The following KIRREL3 variants were observed in gnomAD, a reference collection of about 807,000 sequenced individuals.
KIRREL3 encodes kin of IRRE-like protein 3.
KIRREL3 carries 36 observed loss-of-function variants against 89.7 expected under a neutral mutation model. The observed-to-expected ratio is 0.40, with a 90% CI of 0.31 to 0.53. The LOEUF is 0.53. KIRREL3 is among the 20% of genes least tolerant of loss of function. The pLI is 0.49. For missense variants in KIRREL3, 864 were observed against 1,056.6 expected, an observed-to-expected ratio of 0.82 and a Z score of 2.53; for synonymous variants, 445 against 441.4, an observed-to-expected ratio of 1.01 and a Z score of -0.10.
Position 126,557,291 on chromosome 11 carries a change from C to T in KIRREL3, c.133+5544G>A, listed in dbSNP as rs541545293. Reference sequence around the variant, plus strand: ...TAATGACAGATGGGAGAAAGAAACACGGATCCACCTTCAGAGGCTGCCAAG... The same window carrying T: ...TAATGACAGATGGGAGAAAGAAACATGGATCCACCTTCAGAGGCTGCCAAG... On this transcript the variant is annotated intron_variant, in intron 2 of 16. Coordinates refer to ENST00000525144, the MANE Select transcript of KIRREL3 (RefSeq NM_032531.4). The surrounding 1 kb of genome is among the most constrained non-coding windows in gnomAD (Gnocchi z 5.6). Among the ~76,000 whole-genome samples the T allele has an allele frequency of 2.4e-4, 37 of 152,308 alleles. No homozygotes were observed. Among genetic ancestry groups the T allele is most frequent in the Non-Finnish European group, 4.6e-4 (31 of 68,026 alleles).
At chr11:126,460,103 C>T (rs1000493809) in intron 6 of KIRREL3, among the ~76,000 whole-genome samples, 3 of 118,556 alleles carry the variant, frequency 2.5e-5, no homozygotes, top group Non-Finnish European at 5.3e-5. Context: ...GGAGGAGGAG[C>T]GGGAGCAGGA....
rs1483269422 is a variant in KIRREL3, at chr11:126,601,791, C to T, written c.56-38879G>A. Among the ~76,000 whole-genome samples the T allele has an allele frequency of 2.6e-5, 4 of 152,178 alleles. No homozygotes were observed. Among genetic ancestry groups the T allele is most frequent in the Admixed American group, 1.3e-4 (2 of 15,282 alleles). On this transcript the variant is annotated intron_variant, in intron 1 of 16. Coordinates refer to ENST00000525144, the MANE Select transcript of KIRREL3 (RefSeq NM_032531.4). This position sits in a 1 kb window ranked among gnomAD's most constrained non-coding sequence, Gnocchi z 5.8. ...TCCCCCTGAATTCCATCCCCTGCCG[C>T]GTCCATTTCTAGGAGCTCCATTCCC...
chr11:126,961,329 C>T (rs1949080374), intron 1 of KIRREL3, among the ~76,000 whole-genome samples: 1 of 152,152 alleles, frequency 6.6e-6, no homozygotes, highest in South Asian at 2.1e-4. Context: ...AATGGAAAAG[C>T]TCTTGAAGTA....
chr11:126,938,898 A>G (rs1289257550), intron 1 of KIRREL3, among the ~76,000 whole-genome samples: 1 of 152,198 alleles, frequency 6.6e-6, no homozygotes, highest in African/African-American at 2.4e-5. Flanking sequence ...TGTCAGCACC[A>G]GGCCTAAGGA....
At chr11:126,662,427 T>C (rs1052839603) in intron 1 of KIRREL3, among the ~76,000 whole-genome samples, 6 of 152,150 alleles carry the variant, frequency 3.9e-5, no homozygotes, top group African/African-American at 1.4e-4. Flanking sequence ...GAGTGGGTAA[T>C]TTATAAAAAA....
chr11:126,827,938 T>C (rs1449608805), intron 1 of KIRREL3, among the ~76,000 whole-genome samples: 1 of 152,146 alleles, frequency 6.6e-6, no homozygotes, highest in Admixed American at 6.6e-5. Context: ...GTTTTGGAAT[T>C]AGAATGACTT....
intron 1 of KIRREL3, chr11:126,992,663 A>G (rs906855769): frequency 6.6e-6 from 1 of 152,250 alleles, no homozygotes; most frequent in East Asian, 1.9e-4. Flanking sequence ...AGCCAGTATA[A>G]CTTAGCTTCC....
chr11:126,899,067 G>A (rs1946273092), intron 1 of KIRREL3, among the ~76,000 whole-genome samples: 1 of 151,958 alleles, frequency 6.6e-6, no homozygotes, highest in Admixed American at 6.6e-5. Flanking sequence ...AAGGTTAACA[G>A]AAGGTGGAAG....
Position 126,498,748 on chromosome 11 carries a change from G to A in KIRREL3, c.433+22567C>T, listed in dbSNP as rs899788673. On this transcript the variant is annotated intron_variant, in intron 4 of 16. Transcript: ENST00000525144. This position sits in a 1 kb window ranked among gnomAD's most constrained non-coding sequence, Gnocchi z 4.3. ...CCCAGTATCCTGCTTCCTGGGAGGAGCACCTTCCCTTCTGCACCTAAGGTT... is the reference window on the plus strand; with the variant it reads ...CCCAGTATCCTGCTTCCTGGGAGGAACACCTTCCCTTCTGCACCTAAGGTT... Among the ~76,000 whole-genome samples, 2 of 152,212 alleles carry A rather than the reference G, an allele frequency of 1.3e-5. No individual in the cohort carries two copies. Among genetic ancestry groups the A allele is most frequent in the Admixed American group, 1.3e-4 (2 of 15,286 alleles).
At chr11:126,838,718 A>G (rs1025630275) in intron 1 of KIRREL3, among the ~76,000 whole-genome samples, 3 of 152,174 alleles carry the variant, frequency 2.0e-5, no homozygotes, top group African/African-American at 7.2e-5. Flanking sequence ...GACAGTGGTA[A>G]ATGGAATTTT....
chr11:126,659,709 A>C (rs971207303), intron 1 of KIRREL3, among the ~76,000 whole-genome samples: 4 of 152,234 alleles, frequency 2.6e-5, no homozygotes, highest in Non-Finnish European at 5.9e-5. Context: ...CAGCTTCTCA[A>C]AGGATGCCTT....
In KIRREL3 at chr11:126,521,732, A is replaced by G. The variant is rs1331111762; in HGVS notation, c.284-268T>C. Among the ~76,000 whole-genome samples the G allele has an allele frequency of 8.0e-6, 1 of 125,472 alleles. No individual in the cohort carries two copies. The highest frequency in any genetic ancestry group is 1.6e-5 in the Non-Finnish European group (1 of 60,756). 82.3% of individuals were successfully genotyped at this position (125,472 alleles called of 152,430 possible). A position where few individuals can be genotyped will look rare whatever the true frequency, so the allele number is the denominator to read the frequency against. On this transcript the variant is annotated intron_variant, in intron 3 of 16. Coordinates refer to ENST00000525144, the MANE Select transcript of KIRREL3 (RefSeq NM_032531.4). The surrounding 1 kb of genome is among the most constrained non-coding windows in gnomAD (Gnocchi z 4.1). ...TGTGTGTGTGTGTGTGTGTGTGTGT[A>G]TAAGGGCATTTGGTCTGTTTGTTAG...
In KIRREL3 at chr11:126,431,542, G is replaced by A. The variant is rs370305051; in HGVS notation, c.1589-16C>T. The stretch of plus-strand genomic sequence containing the variant: ...GGCACAGACTCTGTGGGAGAGAAGC[G>A]GGCACAGCTGATGACGGATGGGGAA... On this transcript the variant is annotated splice_polypyrimidine_tract_variant and intron_variant, in intron 13 of 16. Transcript: ENST00000525144. This position sits in a 1 kb window ranked among gnomAD's most constrained non-coding sequence, Gnocchi z 7.1. 29 of 1,609,474 alleles carry A rather than the reference G, an allele frequency of 1.8e-5. No individual in the cohort carries two copies. The highest frequency in any genetic ancestry group is 9.3e-5 in the African/African-American group (7 of 74,978).
chr11:126,634,584 G>T (rs1053976108), intron 1 of KIRREL3, among the ~76,000 whole-genome samples: 1 of 152,154 alleles, frequency 6.6e-6, no homozygotes, highest in African/African-American at 2.4e-5. Context: ...CAGGGGAAAT[G>T]AAGCTTGACT....
At position 126,677,322 on chromosome 11, in the gene KIRREL3, C is replaced by T. The variant is rs1261589963; in HGVS notation, c.56-114410G>A. On this transcript the variant is annotated intron_variant, in intron 1 of 16. Coordinates refer to ENST00000525144, the MANE Select transcript of KIRREL3 (RefSeq NM_032531.4). The surrounding 1 kb of genome is among the most constrained non-coding windows in gnomAD (Gnocchi z 5.1). ...AGGAGAGGCTATAGATTCCCCTATTCTGGACATTTCGTATAAGTGGAACCA... is the reference window on the plus strand; with the variant it reads ...AGGAGAGGCTATAGATTCCCCTATTTTGGACATTTCGTATAAGTGGAACCA... 6.6e-6 allele frequency among the ~76,000 whole-genome samples: 1 copy of T among 152,168 alleles called. No homozygotes were observed. The highest frequency in any genetic ancestry group is 1.5e-5 in the Non-Finnish European group (1 of 68,042).
At chr11:126,448,823 C>T (rs1955921956) in intron 8 of KIRREL3, among the ~76,000 whole-genome samples, 186 bp downstream of exon 8, 1 of 152,152 alleles carries the variant, frequency 6.6e-6, no homozygotes, top group Non-Finnish European at 1.5e-5. Context: ...CTCATGGGGT[C>T]ATGATAGGGA....
At chr11:126,838,731 G>C (rs1363729045) in intron 1 of KIRREL3, among the ~76,000 whole-genome samples, 1 of 151,956 alleles carries the variant, frequency 6.6e-6, no homozygotes, top group Non-Finnish European at 1.5e-5. Flanking sequence ...GGAATTTTTT[G>C]CTAGCAGTGA....
chr11:126,512,272 C>A (rs1158269498), intron 4 of KIRREL3, among the ~76,000 whole-genome samples: 1 of 152,234 alleles, frequency 6.6e-6, no homozygotes, highest in Non-Finnish European at 1.5e-5. Context: ...ATCAGGGCGA[C>A]ACTGATGATT....
Position 126,903,730 on chromosome 11 carries a change from C to A in KIRREL3, c.55+96725G>T, listed in dbSNP as rs777095943. 6.6e-6 allele frequency among the ~76,000 whole-genome samples: 1 copy of A among 152,272 alleles called. No homozygotes were observed. Among genetic ancestry groups the A allele is most frequent in the Non-Finnish European group, 1.5e-5 (1 of 68,028 alleles). On this transcript the variant is annotated intron_variant, in intron 1 of 16. Transcript: ENST00000525144. The surrounding 1 kb of genome is among the most constrained non-coding windows in gnomAD (Gnocchi z 4.5). ...GATGAAAATGAGATATGTTGGGCCA[C>A]CAACGCTTTCTGTAATCACCTTAAT...
Sources: allele counts gnomAD v4.1 joint callset (sites outside exome capture counted in the v4.1 genomes callset), GRCh38; gene constraint gnomAD v4.1.1; non-coding constraint Gnocchi (gnomAD v3.1); transcripts MANE v1.5; gene names NCBI Gene and HGNC (gene_info 2026-07-23, HGNC 2026-07-21).